TSPEAR: variants seen among roughly 807,000 people sequenced by gnomAD.
TSPEAR encodes the protein thrombospondin type laminin G domain and EAR repeats.
TSPEAR carries 69 observed loss-of-function variants against 71.6 expected under a neutral mutation model. The observed-to-expected ratio is 0.96, with a 90% confidence interval of 0.79 to 1.18. The LOEUF is 1.18. TSPEAR is among the 50% of genes most tolerant of loss of function. The probability of loss-of-function intolerance (pLI) is 0.00; values close to 1 mark genes in which losing one functional copy is unlikely to be tolerated. For synonymous variants in TSPEAR, 402 were observed against 387.2 expected (o/e 1.04, Z -0.45); for missense variants, 971 against 894.9 (o/e 1.09, Z -1.09).
chr21:44,611,304 T>C (rs922776976), intron 1 of TSPEAR, among the ~76,000 whole-genome samples: 9 of 152,142 alleles, frequency 5.9e-5, no homozygotes, highest in East Asian at 5.8e-4. Flanking sequence ...AATTGAATCA[T>C]GGGGGCCGGT....
At position 44,533,800 on chromosome 21, in the gene TSPEAR, T is replaced by G; in HGVS notation, c.427A>C (p.Thr143Pro). The change falls in exon 3 of 12, where the codon ACC becomes CCC. Residue 143 changes from threonine to proline, a missense_variant. Transcript: ENST00000323084. ...GCCGGGCTGCGGAAGGACACTCGGGTCTGCCAGGCGCCGGCCGTGTCCTCG... is the reference window on the plus strand; with the variant it reads ...GCCGGGCTGCGGAAGGACACTCGGGGCTGCCAGGCGCCGGCCGTGTCCTCG... ...LREDTAGAWQTRVSFRSPALV... is the reference protein window; with the variant it reads ...LREDTAGAWQPRVSFRSPALV... The G allele has an allele frequency of 6.2e-7, 1 of 1,612,406 alleles. No individual in the cohort carries two copies. Among genetic ancestry groups the G allele is most frequent in the Non-Finnish European group, 8.5e-7 (1 of 1,179,870 alleles).
chr21:44,561,981 G>A (rs1356237469), intron 2 of TSPEAR, among the ~76,000 whole-genome samples: 5 of 151,922 alleles, frequency 3.3e-5, no homozygotes, highest in Non-Finnish European at 5.9e-5. Flanking sequence ...TTCTGAACAG[G>A]GCAATCAGGC....
In TSPEAR at chr21:44,642,136, T is replaced by C. The variant is rs999574437; in HGVS notation, c.82+69297A>G. Among the ~76,000 whole-genome samples, 4 of 152,214 alleles carry C rather than the reference T, an allele frequency of 2.6e-5. No individual in the cohort carries two copies. The highest frequency in any genetic ancestry group is 4.4e-5 in the Non-Finnish European group (3 of 68,040). ...GTATATTTATCCTAAAATTTGGAAATATAAATTAAATGTACTGTGTCCTAA... is the reference window on the plus strand; with the variant it reads ...GTATATTTATCCTAAAATTTGGAAACATAAATTAAATGTACTGTGTCCTAA... On this transcript the variant is annotated intron_variant, in intron 1 of 11. Transcript: ENST00000323084. This position sits in a 1 kb window ranked among gnomAD's most constrained non-coding sequence, Gnocchi z 4.1.
At chr21:44,668,286 T>C (rs1403037095) in intron 1 of TSPEAR, among the ~76,000 whole-genome samples, 2 of 152,098 alleles carry the variant, frequency 1.3e-5, no homozygotes, top group African/African-American at 2.4e-5. Context: ...GAAAGTACAA[T>C]AACAATTCCA....
At chr21:44,694,482 G>A (rs1022070799) in intron 1 of TSPEAR, among the ~76,000 whole-genome samples, 1 of 152,174 alleles carries the variant, frequency 6.6e-6, no homozygotes, top group Non-Finnish European at 1.5e-5. Flanking sequence ...AGTCCTAGAG[G>A]TGAACAGTGG....
In TSPEAR at chr21:44,499,680, G is replaced by A; in HGVS notation, c.*103C>T. 4 of 1,272,704 alleles carry A rather than the reference G, an allele frequency of 3.1e-6. No homozygotes were observed. In the Middle Eastern group the frequency reaches 8.3e-4, roughly 266 times the overall value. 78.8% of individuals were successfully genotyped at this position (1,272,704 alleles called of 1,614,324 possible). Reference sequence around the variant, plus strand: ...CACCCTGCCTGATGCCCAGGCCCGGGATGCCCTAGGCTGGGCCCACCTGGA... The same window carrying A: ...CACCCTGCCTGATGCCCAGGCCCGGAATGCCCTAGGCTGGGCCCACCTGGA... On this transcript the variant is annotated 3_prime_UTR_variant, in exon 12 of 12. Coordinates refer to ENST00000323084, the MANE Select transcript of TSPEAR (RefSeq NM_144991.3).
At chr21:44,634,627 A>G (rs1490236181) in intron 1 of TSPEAR, among the ~76,000 whole-genome samples, 4 of 152,248 alleles carry the variant, frequency 2.6e-5, no homozygotes, top group African/African-American at 9.6e-5. Flanking sequence ...AACTCTTATA[A>G]TTCAACAACA....
Position 44,591,429 on chromosome 21 carries a change from A to C in TSPEAR, c.83-23424T>G, listed in dbSNP as rs587638581. 440 of 1,613,450 alleles carry C rather than the reference A, an allele frequency of 2.7e-4. 1 individual carries two copies. In the East Asian group the frequency reaches 7.7e-3, roughly 28 times the overall value. ...GGCCAGAGCAGAGGCTGTAGCAGGC[A>C]GGGCGGGAGCACATGGGGCGGCAGA... On this transcript the variant is annotated intron_variant, in intron 1 of 11. Coordinates refer to ENST00000323084, the MANE Select transcript of TSPEAR (RefSeq NM_144991.3).
At chr21:44,674,731 A>AGT (rs59452363) in intron 1 of TSPEAR, among the ~76,000 whole-genome samples, 7,439 of 126,880 alleles carry the variant, frequency 0.059, 234 homozygotes, top group East Asian at 0.081. Context: ...CTGTCTTTAA[A>AGT]GTGTGTGTGT....
intron 1 of TSPEAR, among the ~76,000 whole-genome samples, chr21:44,639,882 T>TG (rs1237496802): frequency 3.0e-4 from 45 of 152,326 alleles, no homozygotes; most frequent in African/African-American, 7.5e-4. Flanking sequence ...TACCTCCTGG[T>TG]GGGGGGTCTC....
intron 1 of TSPEAR, among the ~76,000 whole-genome samples, chr21:44,611,307 G>A (rs1276258421): frequency 6.6e-6 from 1 of 151,990 alleles, no homozygotes; most frequent in Non-Finnish European, 1.5e-5. Context: ...TGAATCATGG[G>A]GGCCGGTCTT....
intron 1 of TSPEAR, chr21:44,637,599 C>T: frequency 3.1e-6 from 5 of 1,613,922 alleles, no homozygotes; most frequent in Non-Finnish European, 4.2e-6. Flanking sequence ...GAGCCCAGCG[C>T]CTGCCAATCA....
chr21:44,523,503 GCAGT>G (rs1393045570), intron 8 of TSPEAR, among the ~76,000 whole-genome samples: 14 of 150,954 alleles, frequency 9.3e-5, no homozygotes, highest in South Asian at 8.5e-4. Context: ...GGTCAGGTAG[GCAGT>G]CAGTCGTCAG....
At chr21:44,658,859 G>A (rs901629944) in intron 1 of TSPEAR, among the ~76,000 whole-genome samples, 1 of 152,090 alleles carries the variant, frequency 6.6e-6, no homozygotes, top group Non-Finnish European at 1.5e-5. Context: ...GAGCGTGTTG[G>A]GGGAGGGTAG....
chr21:44,529,632 G>C (rs1214444558), intron 5 of TSPEAR, among the ~76,000 whole-genome samples, 166 bp downstream of exon 5: 9 of 152,060 alleles, frequency 5.9e-5, no homozygotes, highest in African/African-American at 1.9e-4. Flanking sequence ...CTAGGGGTGG[G>C]CCCCGAGTAT....
chr21:44,591,347 G>A, intron 1 of TSPEAR: 1 of 1,566,484 alleles, frequency 6.4e-7, no homozygotes, highest in Non-Finnish European at 8.7e-7. Flanking sequence ...TGGGAGGTCA[G>A]CCCCTGGTGG....
chr21:44,630,922 A>C (rs1601507934), intron 1 of TSPEAR, among the ~76,000 whole-genome samples: 1 of 152,182 alleles, frequency 6.6e-6, no homozygotes, highest in African/African-American at 2.4e-5. Flanking sequence ...AACAAAACAA[A>C]ACTACTAGCC....
intron 1 of TSPEAR, among the ~76,000 whole-genome samples, chr21:44,703,466 C>T (rs532948390): frequency 4.9e-4 from 75 of 152,328 alleles, no homozygotes; most frequent in Admixed American, 3.1e-3. Context: ...TGAGGAACCC[C>T]GGGGACAGGG....
At chr21:44,570,842 C>CTGAT (rs1475199645) in intron 1 of TSPEAR, among the ~76,000 whole-genome samples, 1 of 152,156 alleles carries the variant, frequency 6.6e-6, no homozygotes. Context: ...AATTAAAAGG[C>CTGAT]TGATAAGGGA....
Sources: gnomAD v4.1 joint callset for allele counts (sites outside exome capture counted in the v4.1 genomes callset) on GRCh38, gnomAD v4.1.1 for gene constraint, Gnocchi (gnomAD v3.1) non-coding constraint, MANE v1.5 for transcripts, NCBI Gene and HGNC (gene_info 2026-07-23, HGNC 2026-07-21) for gene names.